The following CCSER1 variants were observed in gnomAD, a reference collection of about 807,000 sequenced individuals.
CCSER1 encodes coiled-coil serine rich protein 1.
Under a neutral mutation model 82.0 loss-of-function variants are expected in CCSER1, and 41 were observed. That is an observed-to-expected ratio of 0.50 (90% CI 0.39 to 0.65). The LOEUF is 0.65. Among genes scored for constraint, CCSER1 ranks in the 30% least tolerant of loss-of-function variants. The pLI is 0.00. For synonymous variants in CCSER1, 414 were observed against 383.9 expected, an observed-to-expected ratio of 1.08 and a Z score of -0.92; for missense variants, 1,119 against 1,064.2, an observed-to-expected ratio of 1.05 and a Z score of -0.72.
chr4:91,477,031 C>T (rs1757632868), intron 10 of CCSER1, among the ~76,000 whole-genome samples: 1 of 151,436 alleles, frequency 6.6e-6, no homozygotes, highest in Non-Finnish European at 1.5e-5. Flanking sequence ...AGTAAGACCT[C>T]AAAAAACACT....
intron 10 of CCSER1, among the ~76,000 whole-genome samples, chr4:91,598,265 A>C (rs1764673887): frequency 6.6e-6 from 1 of 152,198 alleles, no homozygotes; most frequent in South Asian, 2.1e-4. Context: ...TATCGCTTCA[A>C]ATCATATAAA....
intron 10 of CCSER1, among the ~76,000 whole-genome samples, chr4:91,299,076 CTA>C (rs138336772): frequency 0.015 from 2,322 of 151,992 alleles, 71 homozygotes; most frequent in African/African-American, 0.052. Flanking sequence ...GTTAAACATT[CTA>C]TGTTTATACA....
At chr4:91,114,797 G>A (rs1284316043) in intron 10 of CCSER1, among the ~76,000 whole-genome samples, 2 of 152,158 alleles carry the variant, frequency 1.3e-5, no homozygotes, top group Non-Finnish European at 2.9e-5. Context: ...TTGGTTGTTA[G>A]TATTTTTGCT....
At chr4:90,524,881 A>G (rs1773566030) in intron 5 of CCSER1, among the ~76,000 whole-genome samples, 1 of 152,026 alleles carries the variant, frequency 6.6e-6, no homozygotes, top group Non-Finnish European at 1.5e-5. Flanking sequence ...TTTTTCAATC[A>G]ATCAAATTAT....
intron 5 of CCSER1, among the ~76,000 whole-genome samples, chr4:90,481,217 T>C (rs1440918564): frequency 6.6e-6 from 1 of 152,226 alleles, no homozygotes; most frequent in Non-Finnish European, 1.5e-5. Flanking sequence ...TGCACATTGA[T>C]TTTGTATCCT....
chr4:90,328,826 A>G (rs1738709621), intron 3 of CCSER1, among the ~76,000 whole-genome samples: 1 of 152,168 alleles, frequency 6.6e-6, no homozygotes, highest in Non-Finnish European at 1.5e-5. Context: ...TGTGGTGTGC[A>G]GAGGGCATGT....
At chr4:90,791,573 G>A (rs62313057) in intron 7 of CCSER1, among the ~76,000 whole-genome samples, 9,740 of 151,530 alleles carry the variant, frequency 0.064, 426 homozygotes, top group Admixed American at 0.11. Flanking sequence ...ACTTTTAGCC[G>A]GGTGCAGTGG....
At chr4:90,880,486 T>C (rs1721140026) in intron 8 of CCSER1, among the ~76,000 whole-genome samples, 1 of 152,154 alleles carries the variant, frequency 6.6e-6, no homozygotes, top group Non-Finnish European at 1.5e-5. Flanking sequence ...CTGCAGCTTA[T>C]TGGAGGTGTA....
At chr4:91,036,855 G>A (rs1365685690) in intron 9 of CCSER1, among the ~76,000 whole-genome samples, 1 of 152,044 alleles carries the variant, frequency 6.6e-6, no homozygotes, top group Non-Finnish European at 1.5e-5. Flanking sequence ...CAGGCAGGTG[G>A]GTCAGTTGAG....
chr4:90,769,288 A>G (rs1243878282), intron 7 of CCSER1, among the ~76,000 whole-genome samples: 1 of 152,176 alleles, frequency 6.6e-6, no homozygotes, highest in Non-Finnish European at 1.5e-5. Context: ...TTCTTAAGTT[A>G]TAGATGCAGA....
intron 8 of CCSER1, among the ~76,000 whole-genome samples, chr4:90,880,598 G>A (rs1488939982): frequency 6.6e-6 from 1 of 152,170 alleles, no homozygotes; most frequent in African/African-American, 2.4e-5. Context: ...GCCCTTGGAG[G>A]CTCTGTCCAG....
chr4:90,502,685 G>A (rs561698274), intron 5 of CCSER1, among the ~76,000 whole-genome samples: 45 of 152,106 alleles, frequency 3.0e-4, no homozygotes, highest in Admixed American at 1.5e-3. Flanking sequence ...AAACAAGATC[G>A]AAGAAGAGAA....
intron 10 of CCSER1, among the ~76,000 whole-genome samples, chr4:91,188,267 C>G (rs931906761): frequency 6.6e-6 from 1 of 152,116 alleles, no homozygotes; most frequent in African/African-American, 2.4e-5. Flanking sequence ...ATTCTCTTCT[C>G]AGTTTTCAGG....
intron 10 of CCSER1, among the ~76,000 whole-genome samples, chr4:91,566,983 T>C (rs542349255): frequency 6.6e-6 from 1 of 152,190 alleles, no homozygotes; most frequent in Admixed American, 6.6e-5. Context: ...TGAAGTTAGG[T>C]TGTTCACTGA....
At chr4:90,878,114 A>G (rs1004665689) in intron 8 of CCSER1, among the ~76,000 whole-genome samples, 1 of 152,142 alleles carries the variant, frequency 6.6e-6, no homozygotes, top group Non-Finnish European at 1.5e-5. Flanking sequence ...ACTGAAACTA[A>G]GTCTCACTTT....
At chr4:91,211,947 A>T (rs1736854057) in intron 10 of CCSER1, among the ~76,000 whole-genome samples, 1 of 152,116 alleles carries the variant, frequency 6.6e-6, no homozygotes, top group African/African-American at 2.4e-5. Flanking sequence ...GCCACCAAGG[A>T]TTACCATTGA....
intron 8 of CCSER1, among the ~76,000 whole-genome samples, chr4:90,831,686 A>C (rs1761129776): frequency 6.6e-6 from 1 of 152,216 alleles, no homozygotes; most frequent in Non-Finnish European, 1.5e-5. Flanking sequence ...TATCTCAACA[A>C]CTAATGTTGC....
intron 1 of CCSER1, among the ~76,000 whole-genome samples, chr4:90,193,691 C>G (rs998122544): frequency 6.6e-6 from 1 of 151,618 alleles, no homozygotes; most frequent in Non-Finnish European, 1.5e-5. Context: ...CCTAAGCTAG[C>G]GGTCCTTAAA....
chr4:91,454,668 T>G (rs1023584745), intron 10 of CCSER1, among the ~76,000 whole-genome samples: 1 of 152,098 alleles, frequency 6.6e-6, no homozygotes, highest in Non-Finnish European at 1.5e-5. Context: ...CTTATTTAAT[T>G]TTTTAAAAGG....
Sources: gnomAD v4.1 joint callset for allele counts (sites outside exome capture counted in the v4.1 genomes callset) on GRCh38, gnomAD v4.1.1 for gene constraint, MANE v1.5 for transcripts, NCBI Gene and HGNC (gene_info 2026-07-23, HGNC 2026-07-21) for gene names.